Variants in SLC24A2 observed in about 807,000 individuals in gnomAD.
SLC24A2 encodes the protein solute carrier family 24 member 2, also known as sodium/potassium/calcium exchanger 2.
A neutral mutation model predicts 62.0 loss-of-function variants in SLC24A2; 36 were observed. That is an observed-to-expected ratio of 0.58 (90% CI 0.44 to 0.77). SLC24A2 has a LOEUF of 0.77. Among genes scored for constraint, SLC24A2 ranks in the 30% least tolerant of loss-of-function variants. The pLI is 0.00. For missense variants in SLC24A2, 846 were observed against 817.9 expected, an observed-to-expected ratio of 1.03 and a Z score of -0.42; for synonymous variants, 358 against 294.0, an observed-to-expected ratio of 1.22 and a Z score of -2.23.
the SLC24A2 span, among the ~76,000 whole-genome samples, chr9:20,137,589 C>G: frequency 1.3e-5 from 2 of 152,156 alleles, no homozygotes; most frequent in Non-Finnish European, 2.9e-5. Context: ...AGCCCTAGGC[C>G]ACTGGGCCAG....
At chr9:20,096,251 A>G in the SLC24A2 span, among the ~76,000 whole-genome samples, 1 of 152,220 alleles carries the variant, frequency 6.6e-6, no homozygotes, top group Non-Finnish European at 1.5e-5. Context: ...GTATCATAGT[A>G]TTACCAGGTA....
chr9:20,153,263 T>C, the SLC24A2 span, among the ~76,000 whole-genome samples: 143,863 of 151,906 alleles, frequency 0.95, 68,167 homozygotes, highest in Non-Finnish European at 0.97. Context: ...AAACTGAATC[T>C]AAAAAGAGCA....
chr9:20,095,555 T>G, the SLC24A2 span, among the ~76,000 whole-genome samples: 2 of 152,186 alleles, frequency 1.3e-5, no homozygotes, highest in South Asian at 2.1e-4. Context: ...GCTGGGACAT[T>G]GCCTTTTTTT....
At chr9:19,793,543 T>C (rs936315373), upstream of SLC24A2, among the ~76,000 whole-genome samples, 1 of 152,176 alleles carries the variant, frequency 6.6e-6, no homozygotes, top group African/African-American at 2.4e-5. Flanking sequence ...GCATCAGTGG[T>C]GGAAAAAGGG....
the SLC24A2 span, among the ~76,000 whole-genome samples, chr9:20,291,264 C>T: frequency 6.6e-6 from 1 of 151,980 alleles, no homozygotes; most frequent in Non-Finnish European, 1.5e-5. Context: ...AAACAGAGTG[C>T]CAAGGGATTC....
chr9:19,951,620 T>C, the SLC24A2 span, among the ~76,000 whole-genome samples: 1 of 152,100 alleles, frequency 6.6e-6, no homozygotes, highest in South Asian at 2.1e-4. Flanking sequence ...GACACTATCG[T>C]TTTTCCATTG....
the SLC24A2 span, among the ~76,000 whole-genome samples, chr9:20,262,587 C>T: frequency 6.6e-6 from 1 of 152,216 alleles, no homozygotes; most frequent in Admixed American, 6.5e-5. Flanking sequence ...CAGAAATAAC[C>T]TCTAATATCT....
chr9:19,974,713 T>A, the SLC24A2 span, among the ~76,000 whole-genome samples: 11 of 152,200 alleles, frequency 7.2e-5, no homozygotes, highest in Admixed American at 5.9e-4. Flanking sequence ...TCACTTAGGT[T>A]GAATCTACAG....
the SLC24A2 span, among the ~76,000 whole-genome samples, chr9:20,079,405 T>A: frequency 6.6e-6 from 1 of 152,214 alleles, no homozygotes; most frequent in South Asian, 2.1e-4. Flanking sequence ...TTTCTTGCAA[T>A]TTTCTGTGCA....
At chr9:20,168,090 A>G in the SLC24A2 span, among the ~76,000 whole-genome samples, 2 of 152,012 alleles carry the variant, frequency 1.3e-5, no homozygotes, top group African/African-American at 2.4e-5. Flanking sequence ...AAATGTATTC[A>G]AATATATGTA....
At chr9:19,635,091 T>A (rs939036768) in intron 2 of SLC24A2, among the ~76,000 whole-genome samples, 3 of 152,230 alleles carry the variant, frequency 2.0e-5, no homozygotes, top group Non-Finnish European at 2.9e-5. Flanking sequence ...TGAAAACAGA[T>A]GTAGCCTCAC....
the SLC24A2 span, among the ~76,000 whole-genome samples, chr9:20,280,396 A>T: frequency 6.6e-6 from 1 of 152,144 alleles, no homozygotes; most frequent in South Asian, 2.1e-4. Flanking sequence ...ACTAGAGGCA[A>T]TTCTCTGCAG....
At chr9:19,558,390 C>A (rs1835210275) in intron 7 of SLC24A2, among the ~76,000 whole-genome samples, 3 of 152,182 alleles carry the variant, frequency 2.0e-5, no homozygotes, top group Admixed American at 6.5e-5. Context: ...TTTAGCATCT[C>A]TACCCAAGAA....
At chr9:20,260,628 T>C in the SLC24A2 span, among the ~76,000 whole-genome samples, 1 of 152,174 alleles carries the variant, frequency 6.6e-6, no homozygotes, top group African/African-American at 2.4e-5. Context: ...TTTCCTTTTT[T>C]CCATCTCCAT....
the SLC24A2 span, among the ~76,000 whole-genome samples, chr9:20,136,373 G>C: frequency 6.6e-6 from 1 of 152,160 alleles, no homozygotes; most frequent in Non-Finnish European, 1.5e-5. Flanking sequence ...AGCTGAGAAG[G>C]AACATGCCCA....
At chr9:20,190,705 T>G in the SLC24A2 span, among the ~76,000 whole-genome samples, 3 of 152,170 alleles carry the variant, frequency 2.0e-5, no homozygotes, top group Non-Finnish European at 4.4e-5. Flanking sequence ...GTATTAGTCA[T>G]GAGCTTGAAA....
the SLC24A2 span, among the ~76,000 whole-genome samples, chr9:19,850,463 T>C: frequency 6.6e-6 from 1 of 152,150 alleles, no homozygotes; most frequent in Non-Finnish European, 1.5e-5. Context: ...TATTTATAGC[T>C]TTATTGAGGT....
chr9:19,678,506 C>A (rs372172644), intron 2 of SLC24A2, among the ~76,000 whole-genome samples: 2 of 152,126 alleles, frequency 1.3e-5, no homozygotes, highest in African/African-American at 4.8e-5. Flanking sequence ...TAGTGTAACC[C>A]TTTATTTTTC....
the SLC24A2 span, among the ~76,000 whole-genome samples, chr9:20,291,477 T>C: frequency 6.6e-6 from 1 of 152,252 alleles, no homozygotes; most frequent in Non-Finnish European, 1.5e-5. Flanking sequence ...ATGCAAGAGA[T>C]GACATCTCAC....
Sources: gnomAD v4.1 joint callset for allele counts (sites outside exome capture counted in the v4.1 genomes callset) on GRCh38, gnomAD v4.1.1 for gene constraint, MANE v1.5 for transcripts, NCBI Gene and HGNC (gene_info 2026-07-23, HGNC 2026-07-21) for gene names.